LRRTM3: variants seen among roughly 807,000 people sequenced by gnomAD.
The protein encoded by LRRTM3 is leucine rich repeat transmembrane neuronal 3, also known as leucine-rich repeat transmembrane neuronal protein 3.
A neutral mutation model predicts 44.7 loss-of-function variants in LRRTM3; 24 were observed. That is an observed-to-expected ratio of 0.54 (90% CI 0.39 to 0.76). LRRTM3 has a LOEUF of 0.76. Among genes scored for constraint, LRRTM3 ranks in the 30% least tolerant of loss-of-function variants. The probability of loss-of-function intolerance (pLI) is 0.00; values close to 1 mark genes in which losing one functional copy is unlikely to be tolerated. For missense variants in LRRTM3, 587 were observed against 702.2 expected (o/e 0.84, Z 1.85); for synonymous variants, 277 against 278.7 (o/e 0.99, Z 0.06).
chr10:67,055,008 G>C (rs944890174), intron 2 of LRRTM3: 3 of 151,594 alleles, frequency 2.0e-5, no homozygotes, highest in African/African-American at 7.3e-5. Context: ...ATAAAATATA[G>C]CTGACTTCGT....
chr10:67,067,399 T>A (rs1323060404), intron 2 of LRRTM3, among the ~76,000 whole-genome samples: 1 of 152,198 alleles, frequency 6.6e-6, no homozygotes, highest in Non-Finnish European at 1.5e-5. Flanking sequence ...TCGTATTCAC[T>A]TTTTCCCTTA....
chr10:67,020,117 T>C (rs530163881), intron 2 of LRRTM3, among the ~76,000 whole-genome samples: 33 of 152,284 alleles, frequency 2.2e-4, no homozygotes, highest in African/African-American at 7.9e-4. Context: ...ATAAAAAACA[T>C]GTTGTCAAAA....
chr10:67,070,591 CA>C (rs1436470989), intron 2 of LRRTM3, among the ~76,000 whole-genome samples: 1 of 151,842 alleles, frequency 6.6e-6, no homozygotes, highest in African/African-American at 2.4e-5. Context: ...TAGTAAAATA[CA>C]GAAAATTAGC....
intron 2 of LRRTM3, among the ~76,000 whole-genome samples, chr10:67,037,365 A>T (rs1854123988): frequency 6.9e-6 from 1 of 144,926 alleles, no homozygotes; most frequent in South Asian, 2.2e-4. Flanking sequence ...AACAATGGAA[A>T]TCTAAAAAAA....
Position 67,003,066 on chromosome 10 carries a change from A to T in LRRTM3, c.1536+74614A>T, listed in dbSNP as rs868552577. ...TTATGTTCATAGGCCACTAACAAACATATGCAGTCTTTTAGCTACAACACT... is the reference window on the plus strand; with the variant it reads ...TTATGTTCATAGGCCACTAACAAACTTATGCAGTCTTTTAGCTACAACACT... On this transcript the variant is annotated intron_variant, in intron 2 of 2. Transcript: ENST00000361320. Among the ~76,000 whole-genome samples the T allele has an allele frequency of 2.8e-3, 422 of 152,280 alleles. 2 individuals carry two copies. The highest frequency in any genetic ancestry group is 9.3e-3 in the African/African-American group (387 of 41,564).
chr10:66,956,051 T>C (rs1848775722), intron 2 of LRRTM3, among the ~76,000 whole-genome samples: 1 of 152,118 alleles, frequency 6.6e-6, no homozygotes, highest in African/African-American at 2.4e-5. Flanking sequence ...ATTAAGACCC[T>C]AGAGCTATGG....
At chr10:67,026,327 T>A (rs186689590) in intron 2 of LRRTM3, among the ~76,000 whole-genome samples, 5 of 152,172 alleles carry the variant, frequency 3.3e-5, no homozygotes, top group Non-Finnish European at 5.9e-5. Context: ...CAAGTAGAGT[T>A]TTAAGAAGAT....
chr10:67,080,133 T>C (rs1334539772), intron 2 of LRRTM3, among the ~76,000 whole-genome samples: 2 of 152,174 alleles, frequency 1.3e-5, no homozygotes, highest in African/African-American at 4.8e-5. Flanking sequence ...CCCCAAGTGC[T>C]TGTATTTCGT....
At chr10:67,080,084 C>CA (rs1278531616) in intron 2 of LRRTM3, among the ~76,000 whole-genome samples, 1 of 152,108 alleles carries the variant, frequency 6.6e-6, no homozygotes, top group Non-Finnish European at 1.5e-5. Flanking sequence ...TCCAAAGAGG[C>CA]AGGGAGGGCA....
chr10:67,006,572 G>A (rs1234933201), intron 2 of LRRTM3, among the ~76,000 whole-genome samples: 1 of 152,058 alleles, frequency 6.6e-6, no homozygotes, highest in East Asian at 1.9e-4. Context: ...ACCTGCTAAA[G>A]TAGAAGTCTC....
At chr10:67,057,267 C>T (rs1855494744) in intron 2 of LRRTM3, among the ~76,000 whole-genome samples, 1 of 151,958 alleles carries the variant, frequency 6.6e-6, no homozygotes, top group Admixed American at 6.6e-5. Context: ...ATGTCACATA[C>T]TGTGTGTGTG....
chr10:66,953,463 T>A (rs1055819065), intron 2 of LRRTM3, among the ~76,000 whole-genome samples: 3 of 152,026 alleles, frequency 2.0e-5, no homozygotes, highest in African/African-American at 4.8e-5. Flanking sequence ...TTACATTACA[T>A]TTTTTTTCTG....
intron 2 of LRRTM3, among the ~76,000 whole-genome samples, chr10:67,082,513 C>T (rs1857103349): frequency 6.6e-6 from 1 of 152,140 alleles, no homozygotes; most frequent in Non-Finnish European, 1.5e-5. Context: ...TCTAGAAATG[C>T]ATTTACTATA....
chr10:66,999,617 T>C (rs1182031291), intron 2 of LRRTM3, among the ~76,000 whole-genome samples: 1 of 152,150 alleles, frequency 6.6e-6, no homozygotes, highest in Non-Finnish European at 1.5e-5. Context: ...AACCTATAAA[T>C]GGTGCTTCCG....
intron 2 of LRRTM3, among the ~76,000 whole-genome samples, chr10:66,962,132 C>G (rs891762671): frequency 6.6e-6 from 1 of 152,168 alleles, no homozygotes; most frequent in Non-Finnish European, 1.5e-5. Context: ...AAACATAACT[C>G]ATAGCAGTCA....
intron 2 of LRRTM3, among the ~76,000 whole-genome samples, chr10:67,013,547 G>A (rs1589603253): frequency 6.6e-6 from 1 of 152,236 alleles, no homozygotes; most frequent in East Asian, 1.9e-4. Context: ...ACTATACCAT[G>A]ACCTCGGCAA....
In LRRTM3 at chr10:66,928,251, C is replaced by T. The variant is rs1050900805; in HGVS notation, c.1335C>T (p.Tyr445=). ...LLVIYVSWKR[Y]PASMKQLQQR... is the part of the protein sequence containing the mutation. ...TTATCTACGTGTCATGGAAGCGGTA[C>T]CCTGCGAGCATGAAGCAGCTGCAGC... The change falls in exon 2 of 3, where the codon TAC becomes TAT. Residue 445 remains tyrosine (Y), a synonymous_variant. Transcript: ENST00000361320. The T allele has an allele frequency of 1.2e-6, 2 of 1,614,028 alleles. No individual in the cohort carries two copies. Among genetic ancestry groups the T allele is most frequent in the Admixed American group, 1.7e-5 (1 of 59,992 alleles).
chr10:67,055,363 G>T (rs1213138240), intron 2 of LRRTM3, among the ~76,000 whole-genome samples: 2 of 152,162 alleles, frequency 1.3e-5, no homozygotes, highest in African/African-American at 2.4e-5. Flanking sequence ...TAAAAAGAGA[G>T]CAGTCAAACT....
intron 2 of LRRTM3, among the ~76,000 whole-genome samples, chr10:67,065,070 A>G (rs1041301202): frequency 1.3e-5 from 2 of 152,176 alleles, no homozygotes; most frequent in Non-Finnish European, 2.9e-5. Context: ...TAGACATGTG[A>G]CATCCCGAAA....
Sources: allele counts gnomAD v4.1 joint callset (sites outside exome capture counted in the v4.1 genomes callset), GRCh38; gene constraint gnomAD v4.1.1; transcripts MANE v1.5; gene names NCBI Gene and HGNC (gene_info 2026-07-23, HGNC 2026-07-21).